Variants in FER1L6 observed in about 807,000 individuals in gnomAD.
FER1L6 encodes the protein fer-1 like family member 6, also known as fer-1-like protein 6.
FER1L6 carries 177 observed loss-of-function variants against 219.2 expected under a neutral mutation model. The ratio of observed to expected loss-of-function variants is 0.81; its 90% CI spans 0.71 to 0.91. The LOEUF is 0.91. FER1L6 is among the 40% of genes least tolerant of loss of function. The probability of loss-of-function intolerance (pLI) is 0.00; values close to 1 mark genes in which losing one functional copy is unlikely to be tolerated. For synonymous variants in FER1L6, 768 were observed against 824.3 expected, an observed-to-expected ratio of 0.93 and a Z score of 1.17; for missense variants, 2,153 against 2,259.9, an observed-to-expected ratio of 0.95 and a Z score of 0.96.
chr8:123,864,289 G>C (rs1004400574), intron 1 of FER1L6, among the ~76,000 whole-genome samples: 2 of 148,324 alleles, frequency 1.3e-5, no homozygotes, highest in Non-Finnish European at 3.0e-5. Flanking sequence ...TTTTCTTTAA[G>C]AATGTTGAAT....
At chr8:124,061,652 TACTAAG>T (rs1820582774) in intron 24 of FER1L6, among the ~76,000 whole-genome samples, 194 bp from the exon 25 acceptor site, 1 of 152,182 alleles carries the variant, frequency 6.6e-6, no homozygotes. Context: ...GACAAATTGT[TACTAAG>T]GCAGACTTCC....
At position 123,852,168 on chromosome 8, in the gene FER1L6, A is replaced by G. The variant is rs931946935; in HGVS notation, c.-25A>G. 1.3e-5 allele frequency: 2 copies of G among 152,282 alleles called. No individual in the cohort carries two copies. Among genetic ancestry groups the G allele is most frequent in the Admixed American group, 6.5e-5 (1 of 15,284 alleles). 9.4% of individuals were successfully genotyped at this position (152,282 alleles called of 1,614,324 possible). A position where few individuals can be genotyped will look rare whatever the true frequency, so the allele number is the denominator to read the frequency against. ...AGCAATGCTGTGTGGACCATCGTGA[A>G]GGTGGACAAGGCATTTTGTAAGTCC... is the stretch of plus-strand genomic sequence containing the variant. On this transcript the variant is annotated 5_prime_UTR_variant, in exon 1 of 41. Coordinates refer to ENST00000522917, the MANE Select transcript of FER1L6 (RefSeq NM_001039112.2). The surrounding 1 kb of genome is among the most constrained non-coding windows in gnomAD (Gnocchi z 4.9).
intron 12 of FER1L6, among the ~76,000 whole-genome samples, chr8:123,993,164 C>T (rs374745968): frequency 9.9e-5 from 15 of 152,222 alleles, no homozygotes; most frequent in South Asian, 8.3e-4. Context: ...TATATCCGGC[C>T]GGGCGCGGTG....
intron 30 of FER1L6, 128 bp from the exon 31 acceptor site, chr8:124,071,377 CA>C: frequency 8.2e-7 from 1 of 1,214,638 alleles, no homozygotes; most frequent in Middle Eastern, 2.9e-4. Context: ...ACCCAACTGG[CA>C]AGTTTAGCAC....
chr8:123,963,443 T>A, intron 3 of FER1L6, 45 bp downstream of exon 3: 1 of 1,607,752 alleles, frequency 6.2e-7, no homozygotes, highest in Non-Finnish European at 8.5e-7. Flanking sequence ...GCTGAGCATC[T>A]CTTATGTGCC....
At chr8:123,908,185 A>T (rs1812987301) in intron 1 of FER1L6, among the ~76,000 whole-genome samples, 1 of 152,248 alleles carries the variant, frequency 6.6e-6, no homozygotes, top group African/African-American at 2.4e-5. Flanking sequence ...ATGAAATAAC[A>T]ATAGGTTATC....
chr8:124,008,018 G>A (rs1817747482), intron 13 of FER1L6, among the ~76,000 whole-genome samples: 1 of 152,236 alleles, frequency 6.6e-6, no homozygotes, highest in East Asian at 1.9e-4. Context: ...GTAGTGACTT[G>A]TGAGATTTTG....
rs147478017 is a variant in FER1L6 at position 124,038,703 on chromosome 8, A to C, written c.2465-1179A>C. ...GATAAAGGCACACTAATAAAGGATT[A>C]GTAGTAGCCATGTACAAGTCCCCAC... On this transcript the variant is annotated intron_variant, in intron 19 of 40. Transcript: ENST00000522917. Among the ~76,000 whole-genome samples the C allele has an allele frequency of 4.4e-3, 666 of 152,354 alleles. 5 individuals carry two copies. Among genetic ancestry groups the C allele is most frequent in the African/African-American group, 0.016 (646 of 41,576 alleles).
At chr8:123,975,794 G>A (rs1160237278) in intron 8 of FER1L6, 104 bp from the exon 9 acceptor site, 4 of 892,542 alleles carry the variant, frequency 4.5e-6, no homozygotes, top group Admixed American at 2.5e-5. Flanking sequence ...TTTCAGATTT[G>A]TCTTATATTG....
intron 20 of FER1L6, among the ~76,000 whole-genome samples, chr8:124,042,260 G>A (rs1421494308): frequency 1.3e-5 from 2 of 152,192 alleles, no homozygotes; most frequent in East Asian, 3.8e-4. Context: ...ATAATTATTT[G>A]AAAGGGAAAA....
At chr8:124,097,636 C>A in intron 36 of FER1L6, 149 bp from the exon 37 acceptor site, 1 of 612,178 alleles carries the variant, frequency 1.6e-6, no homozygotes, top group Admixed American at 2.9e-5. Flanking sequence ...ATACTTGGTT[C>A]TGACAGAACC....
chr8:123,987,112 T>C (rs1238159212), intron 12 of FER1L6, among the ~76,000 whole-genome samples: 1 of 152,236 alleles, frequency 6.6e-6, no homozygotes, highest in Non-Finnish European at 1.5e-5. Context: ...CCATAGTGGT[T>C]GTATTAATTT....
intron 1 of FER1L6, among the ~76,000 whole-genome samples, chr8:123,878,686 T>G (rs1817054404): frequency 6.6e-6 from 1 of 152,250 alleles, no homozygotes; most frequent in African/African-American, 2.4e-5. Flanking sequence ...GCTTGGCACG[T>G]AACAAGAACT....
intron 1 of FER1L6, among the ~76,000 whole-genome samples, chr8:123,911,842 G>A (rs1032842202): frequency 2.6e-5 from 4 of 152,136 alleles, no homozygotes; most frequent in African/African-American, 4.8e-5. Context: ...GAATTTCCAT[G>A]CTCTTGTGCA....
At chr8:123,973,195 T>C (rs1815900497) in intron 6 of FER1L6, among the ~76,000 whole-genome samples, 1 of 152,116 alleles carries the variant, frequency 6.6e-6, no homozygotes, top group Non-Finnish European at 1.5e-5. Context: ...CAGATTTATT[T>C]TGGTTAAAGG....
At chr8:124,103,771 AC>A (rs1478906683) in intron 39 of FER1L6, among the ~76,000 whole-genome samples, 2 of 152,132 alleles carry the variant, frequency 1.3e-5, no homozygotes, top group African/African-American at 2.4e-5. Flanking sequence ...GGAATTTTTG[AC>A]CTTTCACAAA....
chr8:123,994,523 A>G (rs1817035312), intron 12 of FER1L6, among the ~76,000 whole-genome samples: 1 of 152,168 alleles, frequency 6.6e-6, no homozygotes. Flanking sequence ...ACGGTATTCC[A>G]CCAGCAGCAG....
intron 25 of FER1L6, 138 bp downstream of exon 25, chr8:124,062,170 C>T: frequency 2.4e-6 from 2 of 834,812 alleles, no homozygotes; most frequent in Non-Finnish European, 1.9e-6. Flanking sequence ...CTTGCTCCTG[C>T]AGGGGCCTCT....
intron 34 of FER1L6, among the ~76,000 whole-genome samples, chr8:124,091,818 G>C (rs991925169): frequency 6.6e-6 from 1 of 151,906 alleles, no homozygotes; most frequent in Non-Finnish European, 1.5e-5. Flanking sequence ...AATACAAAAA[G>C]TAGCCATGCG....
Sources: gnomAD v4.1 joint callset for allele counts (sites outside exome capture counted in the v4.1 genomes callset) on GRCh38, gnomAD v4.1.1 for gene constraint, Gnocchi (gnomAD v3.1) non-coding constraint, MANE v1.5 for transcripts, NCBI Gene and HGNC (gene_info 2026-07-23, HGNC 2026-07-21) for gene names.